The following SAMMSON variants were observed in gnomAD, a reference collection of about 807,000 sequenced individuals.
SAMMSON encodes the protein survival associated mitochondrial melanoma specific oncogenic non-coding RNA.
At chr3:70,017,941 A>G (rs2066993123) in intron 3 of SAMMSON, among the ~76,000 whole-genome samples, 1 of 152,132 alleles carries the variant, frequency 6.6e-6, no homozygotes, top group African/African-American at 2.4e-5. Flanking sequence ...AGCCCACGTG[A>G]TCATGGTGGA....
At chr3:70,106,628 C>T (rs967711631) in intron 4 of SAMMSON, among the ~76,000 whole-genome samples, 2 of 151,970 alleles carry the variant, frequency 1.3e-5, no homozygotes, top group Non-Finnish European at 1.5e-5. Flanking sequence ...GTGTGGGCCA[C>T]AGCGCCTAGC....
chr3:70,308,873 T>A (rs1417564406), intron 7 of SAMMSON, among the ~76,000 whole-genome samples: 1 of 152,144 alleles, frequency 6.6e-6, no homozygotes, highest in Non-Finnish European at 1.5e-5. Context: ...CAGTGCTTTG[T>A]GTCAGTGACT....
At chr3:70,090,912 A>G (rs149674235) in intron 4 of SAMMSON, among the ~76,000 whole-genome samples, 1 of 152,290 alleles carries the variant, frequency 6.6e-6, no homozygotes, top group East Asian at 1.9e-4. Context: ...TGTATGCAGT[A>G]GCATATTATT....
At chr3:70,118,467 G>A (rs1219094445) in intron 4 of SAMMSON, among the ~76,000 whole-genome samples, 1 of 152,052 alleles carries the variant, frequency 6.6e-6, no homozygotes, top group Non-Finnish European at 1.5e-5. Flanking sequence ...TCTGAGAAAC[G>A]TTAATCCCCA....
intron 3 of SAMMSON, chr3:70,015,358 C>G (rs1401643317): frequency 6.6e-6 from 1 of 151,394 alleles, no homozygotes; most frequent in African/African-American, 2.4e-5. Flanking sequence ...GGGAAATGCT[C>G]TCTGATTTTA....
chr3:70,358,723 T>A (rs180722315), intron 9 of SAMMSON, among the ~76,000 whole-genome samples: 1 of 152,192 alleles, frequency 6.6e-6, no homozygotes, highest in Admixed American at 6.6e-5. Flanking sequence ...TTTTGTTTAT[T>A]GCATTGCTTT....
intron 4 of SAMMSON, among the ~76,000 whole-genome samples, chr3:70,176,432 GCTTCATCAA>G (rs879694620): frequency 6.6e-6 from 1 of 152,128 alleles, no homozygotes; most frequent in Non-Finnish European, 1.5e-5. Flanking sequence ...TGAGAGTTTA[GCTTCATCAA>G]CTTTTCATCA....
chr3:70,286,305 T>C (rs1702161960), intron 6 of SAMMSON, among the ~76,000 whole-genome samples: 1 of 152,234 alleles, frequency 6.6e-6, no homozygotes, highest in African/African-American at 2.4e-5. Flanking sequence ...GCACCGTTTA[T>C]TAAATAGGGA....
intron 9 of SAMMSON, among the ~76,000 whole-genome samples, chr3:70,385,288 T>C (rs1022730924): frequency 6.6e-6 from 1 of 152,090 alleles, no homozygotes; most frequent in Admixed American, 6.6e-5. Context: ...AGGTCCACCA[T>C]GTAAGAGGTA....
intron 4 of SAMMSON, among the ~76,000 whole-genome samples, chr3:70,245,374 C>G (rs1701697267): frequency 6.6e-6 from 1 of 151,722 alleles, no homozygotes; most frequent in African/African-American, 2.4e-5. Flanking sequence ...TATTAACACA[C>G]TCTTAATGTT....
chr3:70,252,698 T>C (rs563809786), intron 6 of SAMMSON, among the ~76,000 whole-genome samples: 6 of 152,216 alleles, frequency 3.9e-5, no homozygotes, highest in Non-Finnish European at 5.9e-5. Flanking sequence ...TTTATTTATT[T>C]ATTTTTTTAA....
At chr3:70,280,982 C>T (rs1046283423) in intron 6 of SAMMSON, among the ~76,000 whole-genome samples, 1 of 152,218 alleles carries the variant, frequency 6.6e-6, no homozygotes, top group Admixed American at 6.5e-5. Context: ...CACAGCTGTA[C>T]ATAGTTTGTT....
intron 4 of SAMMSON, among the ~76,000 whole-genome samples, chr3:70,081,148 C>G (rs866666106): frequency 1.3e-5 from 2 of 152,206 alleles, no homozygotes; most frequent in Non-Finnish European, 2.9e-5. Context: ...GAGTCTCACT[C>G]TGTCACCCAG....
downstream of SAMMSON, among the ~76,000 whole-genome samples, chr3:70,394,571 T>A (rs1438440991): frequency 6.6e-6 from 1 of 152,052 alleles, no homozygotes; most frequent in African/African-American, 2.4e-5. Context: ...GAGCTGCAGT[T>A]TGGGAATATG....
At chr3:70,064,577 T>C (rs964781905) in intron 3 of SAMMSON, among the ~76,000 whole-genome samples, 7 of 152,158 alleles carry the variant, frequency 4.6e-5, no homozygotes, top group Admixed American at 1.3e-4. Flanking sequence ...GCTGGAGGAC[T>C]CTTCTAATTA....
At chr3:70,231,963 T>C (rs1280983532) in intron 4 of SAMMSON, among the ~76,000 whole-genome samples, 1 of 152,200 alleles carries the variant, frequency 6.6e-6, no homozygotes, top group African/African-American at 2.4e-5. Flanking sequence ...AGTTGTTCAG[T>C]GTTGGGAGCC....
chr3:70,351,415 T>A (rs2106734922), intron 7 of SAMMSON, among the ~76,000 whole-genome samples: 1 of 152,218 alleles, frequency 6.6e-6, no homozygotes, highest in East Asian at 1.9e-4. Context: ...GAAAAATATG[T>A]TTCCAAAATA....
intron 6 of SAMMSON, among the ~76,000 whole-genome samples, chr3:70,274,041 A>G (rs1463648334): frequency 6.7e-6 from 1 of 148,434 alleles, no homozygotes; most frequent in East Asian, 2.0e-4. Flanking sequence ...AAATAAAAGT[A>G]AGAAATTAAA....
intron 4 of SAMMSON, among the ~76,000 whole-genome samples, chr3:70,086,232 A>T (rs184512611): frequency 6.6e-6 from 1 of 152,280 alleles, no homozygotes; most frequent in East Asian, 1.9e-4. Flanking sequence ...CTCTTCTCAC[A>T]TCACCAGGGA....
Sources: allele counts gnomAD v4.1 joint callset (sites outside exome capture counted in the v4.1 genomes callset), GRCh38; gene constraint gnomAD v4.1.1; transcripts MANE v1.5; gene names NCBI Gene and HGNC (gene_info 2026-07-23, HGNC 2026-07-21).